The following SLC22A4 variants were observed in gnomAD, a reference collection of about 807,000 sequenced individuals.
The protein encoded by SLC22A4 is solute carrier family 22 member 4.
Under a neutral mutation model 56.6 loss-of-function variants are expected in SLC22A4, and 39 were observed. The observed-to-expected ratio is 0.69, with a 90% CI of 0.53 to 0.90. The LOEUF (loss-of-function observed/expected upper bound fraction) is 0.90. SLC22A4 is among the 40% of genes least tolerant of loss of function. The pLI, the probability that SLC22A4 is intolerant of heterozygous loss-of-function variation, is 0.00. For missense variants in SLC22A4, 594 were observed against 696.5 expected (o/e 0.85, Z 1.66); for synonymous variants, 241 against 281.4 (o/e 0.86, Z 1.44).
At chr5:132,297,458 A>G (rs1281440567) in intron 1 of SLC22A4, among the ~76,000 whole-genome samples, 3 of 152,166 alleles carry the variant, frequency 2.0e-5, no homozygotes, top group Admixed American at 2.0e-4. Context: ...AGAGTTCTGG[A>G]GTCAGACTCA....
chr5:132,320,658 A>T (rs561510906), intron 3 of SLC22A4, among the ~76,000 whole-genome samples: 1 of 152,332 alleles, frequency 6.6e-6, no homozygotes, highest in African/African-American at 2.4e-5. Flanking sequence ...TCTCTCAGTT[A>T]TGAACAGTGA....
chr5:132,343,938 C>A lies in SLC22A4; in HGVS notation c.*103C>A. The A allele has an allele frequency of 1.4e-6, 1 of 702,374 alleles. No individual in the cohort carries two copies. Among genetic ancestry groups the A allele is most frequent in the Non-Finnish European group, 2.5e-6 (1 of 397,008 alleles). The allele number at this position is 702,374 out of a possible 1,614,324, so 43.5% of individuals were successfully genotyped here. A position where few individuals can be genotyped will look rare whatever the true frequency, so the allele number is the denominator to read the frequency against. On this transcript the variant is annotated 3_prime_UTR_variant, in exon 10 of 10. Transcript: ENST00000200652. ...ATGGACTGACTGTAACGATTGACAC[C>A]AAAATGAACCTTGCTATCAAGAAAT...
Position 132,294,685 on chromosome 5 carries a change from C to T in SLC22A4, c.69C>T (p.Phe23=). 1 of 1,614,198 alleles carries T rather than the reference C, an allele frequency of 6.2e-7. No homozygotes were observed. The highest frequency in any genetic ancestry group is 8.5e-7 in the Non-Finnish European group (1 of 1,180,040). Residue 23 remains phenylalanine (F), a synonymous_variant, in exon 1 of 10, where the codon TTC becomes TTT. Coordinates refer to ENST00000200652, the MANE Select transcript of SLC22A4 (RefSeq NM_003059.3). The surrounding 1 kb of genome is among the most constrained non-coding windows in gnomAD (Gnocchi z 5.6). ...GGCCCTTCCAGCGCCTCATCTTCTT[C>T]CTGCTCAGCGCCAGCATCATCCCCA... ...EWGPFQRLIF[F]LLSASIIPNG...
intron 4 of SLC22A4, 28 bp downstream of exon 4, chr5:132,322,383 C>T: frequency 6.2e-7 from 1 of 1,609,568 alleles, no homozygotes; most frequent in Non-Finnish European, 8.5e-7. Context: ...CCAGACAGGC[C>T]CTCTGCTGCG....
intron 4 of SLC22A4, 70 bp from the exon 5 acceptor site, chr5:132,327,207 G>A: frequency 3.3e-6 from 4 of 1,215,916 alleles, no homozygotes; most frequent in African/African-American, 1.5e-5. Context: ...CTATTTGGGG[G>A]AAACTCAGAT....
chr5:132,324,419 G>A (rs549360007), intron 4 of SLC22A4: 164 of 442,544 alleles, frequency 3.7e-4, no homozygotes, highest in African/African-American at 1.8e-3. Context: ...CAGGGAGCCT[G>A]CTCACTGTGC....
At chr5:132,341,948 A>AG (rs34857419) in intron 9 of SLC22A4, among the ~76,000 whole-genome samples, 1 of 129,428 alleles carries the variant, frequency 7.7e-6, no homozygotes, top group Non-Finnish European at 1.7e-5. Flanking sequence ...CTCCGTCTCC[A>AG]AAAAAAAAAC....
rs997788324 is a variant in SLC22A4 at position 132,335,836 on chromosome 5, T to C, written c.1280T>C (p.Ile427Thr). The C allele has an allele frequency of 1.2e-6, 2 of 1,613,896 alleles. No homozygotes were observed. The highest frequency in any genetic ancestry group is 8.5e-7 in the Non-Finnish European group (1 of 1,179,788). ...TTTCCAGATTATTACTTCTTATCCATTGGTCTGGTCATGCTGGGAAAATTT... is the reference window on the plus strand; with the variant it reads ...TTTCCAGATTATTACTTCTTATCCACTGGTCTGGTCATGCTGGGAAAATTT... The part of the protein sequence containing the change: ...LVPVDYYFLS[I>T]GLVMLGKFGI... Residue 427 changes from isoleucine (I) to threonine (T), a missense_variant, in exon 8 of 10, where the codon ATT becomes ACT. By Grantham distance (89) the Ile-to-Thr change is moderately conservative. Coordinates refer to ENST00000200652, the MANE Select transcript of SLC22A4 (RefSeq NM_003059.3).
chr5:132,314,207 G>C (rs921190389), intron 3 of SLC22A4, among the ~76,000 whole-genome samples: 8 of 152,178 alleles, frequency 5.3e-5, no homozygotes, highest in Admixed American at 1.3e-4. Context: ...ATGTCAGACA[G>C]GGGGAGTTCA....
rs781099471 is a variant in SLC22A4 at position 132,294,803 on chromosome 5, C to G, written c.187C>G (p.Arg63Gly). The G allele has an allele frequency of 9.9e-6, 16 of 1,612,810 alleles. No individual in the cohort carries two copies. Among genetic ancestry groups the G allele is most frequent in the African/African-American group, 1.3e-5 (1 of 74,940 alleles). The change falls in exon 1 of 10, where the codon CGC becomes GGC. Residue 63 changes from arginine to glycine, a missense_variant. Coordinates refer to ENST00000200652, the MANE Select transcript of SLC22A4 (RefSeq NM_003059.3). The surrounding 1 kb of genome is among the most constrained non-coding windows in gnomAD (Gnocchi z 5.6). The stretch of plus-strand genomic sequence containing the variant: ...CGCCGCGAACCTGAGCAGCGCCTGG[C>G]GCAACAACAGTGTCCCGCTGCGGCT... ...PDAANLSSAW[R>G]NNSVPLRLRD...
chr5:132,321,773 T>A (rs1249157172), intron 3 of SLC22A4, among the ~76,000 whole-genome samples: 1 of 152,090 alleles, frequency 6.6e-6, no homozygotes, highest in East Asian at 1.9e-4. Flanking sequence ...CCAGGCGTGG[T>A]GGTGCACGCC....
chr5:132,296,187 G>T (rs1445168424), intron 1 of SLC22A4, among the ~76,000 whole-genome samples: 1 of 152,248 alleles, frequency 6.6e-6, no homozygotes, highest in Non-Finnish European at 1.5e-5. Flanking sequence ...GATTTTAGCT[G>T]ATTCTGAAAA....
At position 132,294,641 on chromosome 5, in the gene SLC22A4, G is replaced by C. The variant is rs751103752; in HGVS notation, c.25G>C (p.Ala9Pro). Residue 9 changes from alanine (A) to proline (P), a missense_variant, in exon 1 of 10, where the codon GCC becomes CCC. Transcript: ENST00000200652. The surrounding 1 kb of genome is among the most constrained non-coding windows in gnomAD (Gnocchi z 5.6). Reference sequence around the variant, plus strand: ...CATGCGGGACTACGACGAGGTGATCGCCTTCCTGGGCGAGTGGGGGCCCTT... The same window carrying C: ...CATGCGGGACTACGACGAGGTGATCCCCTTCCTGGGCGAGTGGGGGCCCTT... Reference protein sequence around the residue: MRDYDEVIAFLGEWGPFQR... With the variant: MRDYDEVIPFLGEWGPFQR... 1.3e-5 allele frequency: 21 copies of C among 1,614,064 alleles called. No individual in the cohort carries two copies. The highest frequency in any genetic ancestry group is 1.8e-5 in the Non-Finnish European group (21 of 1,180,056).
At chr5:132,337,797 G>A (rs1294056935) in intron 8 of SLC22A4, among the ~76,000 whole-genome samples, 3 of 150,272 alleles carry the variant, frequency 2.0e-5, no homozygotes, top group South Asian at 2.1e-4. Flanking sequence ...GTACAGTGGC[G>A]CAATCTCAGC....
At chr5:132,336,221 A>C (rs1163237802) in intron 8 of SLC22A4, among the ~76,000 whole-genome samples, 2 of 152,112 alleles carry the variant, frequency 1.3e-5, no homozygotes, top group Non-Finnish European at 2.9e-5. Context: ...GTATGTATAT[A>C]ATTTTTTAAA....
chr5:132,294,980 G>T lies in SLC22A4; in HGVS notation c.364G>T (p.Asp122Tyr), dbSNP rs1283893413. Reference protein sequence around the residue: ...SCLDGWEFSQDVYLSTVVTEW... With the variant: ...SCLDGWEFSQYVYLSTVVTEW... ...CCTGGATGGCTGGGAGTTCAGCCAG[G>T]ACGTCTACCTGTCCACCGTCGTGAC... The change falls in exon 1 of 10, where the codon GAC becomes TAC. Residue 122 changes from aspartate (D) to tyrosine (Y), a missense_variant. Asp to Tyr is a radical substitution (Grantham distance 160). Transcript: ENST00000200652. The surrounding 1 kb of genome is among the most constrained non-coding windows in gnomAD (Gnocchi z 5.6). 2.5e-6 allele frequency: 4 copies of T among 1,607,598 alleles called. No individual in the cohort carries two copies. The South Asian group carries it at 4.4e-5, about 18-fold the overall frequency.
intron 4 of SLC22A4, among the ~76,000 whole-genome samples, chr5:132,325,550 A>G (rs1750665346): frequency 6.6e-6 from 1 of 152,170 alleles, no homozygotes; most frequent in African/African-American, 2.4e-5. Context: ...TAAGCTGGAG[A>G]GGGGACCTGC....
Position 132,343,814 on chromosome 5 carries a change from G to A in SLC22A4, c.1635G>A (p.Lys545=), listed in dbSNP as rs1234741228. 2 of 1,606,782 alleles carry A rather than the reference G, an allele frequency of 1.2e-6. No homozygotes were observed. The highest frequency in any genetic ancestry group is 1.3e-5 in the African/African-American group (1 of 74,756). The part of the protein sequence containing the change: ...RDSMETEENP[K]VLITAF ...CAATGGAGACAGAAGAAAATCCCAA[G>A]GTTCTAATAACTGCATTCTGAAAAA... The change falls in exon 10 of 10, where the codon AAG becomes AAA. Residue 545 remains lysine (K), a synonymous_variant. Transcript: ENST00000200652.
At chr5:132,300,352 C>T (rs577379910) in intron 1 of SLC22A4, among the ~76,000 whole-genome samples, 7 of 152,152 alleles carry the variant, frequency 4.6e-5, no homozygotes, top group Non-Finnish European at 7.3e-5. Flanking sequence ...GGAGGTTCTT[C>T]GAGATTATAC....
Sources: allele counts gnomAD v4.1 joint callset (sites outside exome capture counted in the v4.1 genomes callset), GRCh38; gene constraint gnomAD v4.1.1; non-coding constraint Gnocchi (gnomAD v3.1); transcripts MANE v1.5; gene names NCBI Gene and HGNC (gene_info 2026-07-23, HGNC 2026-07-21).